PARD3: variants seen among roughly 807,000 people sequenced by gnomAD.
PARD3 encodes partitioning defective 3 homolog.
In PARD3, 75 loss-of-function variants were observed where a neutral mutation model predicts 155.4. The ratio of observed to expected loss-of-function variants is 0.48; its 90% CI spans 0.40 to 0.58. PARD3 has a LOEUF of 0.58. Ranked by LOEUF, PARD3 falls within the 20% of genes least tolerant of loss-of-function variation. The pLI is 0.00. For synonymous variants in PARD3, 576 were observed against 610.5 expected, an observed-to-expected ratio of 0.94 and a Z score of 0.83; for missense variants, 1,642 against 1,721.7, an observed-to-expected ratio of 0.95 and a Z score of 0.82.
rs984789813 is a variant in PARD3, at chr10:34,609,014, C to T, written c.222+87304G>A. Among the ~76,000 whole-genome samples, 11 of 152,278 alleles carry T rather than the reference C, an allele frequency of 7.2e-5. No individual in the cohort carries two copies. The East Asian group carries it at 2.1e-3, about 29-fold the overall frequency. ...CATCTTCAGATTTTCTCTCAACTGA[C>T]TAGATAACCCCTGTTAACAGATGCA... On this transcript the variant is annotated intron_variant, in intron 2 of 24. Transcript: ENST00000374788.
At chr10:34,358,962 G>C (rs936096262) in intron 14 of PARD3, among the ~76,000 whole-genome samples, 185 bp downstream of exon 14, 4 of 152,160 alleles carry the variant, frequency 2.6e-5, no homozygotes, top group African/African-American at 4.8e-5. Flanking sequence ...TTAGGAATAT[G>C]TTGATCACAA....
At chr10:34,426,515 A>T (rs1211174744) in intron 5 of PARD3, among the ~76,000 whole-genome samples, 1 of 152,250 alleles carries the variant, frequency 6.6e-6, no homozygotes, top group Non-Finnish European at 1.5e-5. Context: ...ATCCACTTCT[A>T]TAATTAAAAA....
intron 2 of PARD3, among the ~76,000 whole-genome samples, chr10:34,640,736 A>AAAAAAAAAAAG (rs2092651601): frequency 6.9e-6 from 1 of 144,066 alleles, no homozygotes; most frequent in African/African-American, 2.6e-5. Context: ...AAAAAAAAAA[A>AAAAAAAAAAAG]GCACTTTTAG....
intron 6 of PARD3, among the ~76,000 whole-genome samples, chr10:34,400,793 T>C (rs553106552): frequency 6.6e-6 from 1 of 151,806 alleles, no homozygotes; most frequent in Non-Finnish European, 1.5e-5. Context: ...AATTCTGCCA[T>C]ACTGCCAAAT....
At chr10:34,771,587 C>G (rs1564603406) in intron 1 of PARD3, among the ~76,000 whole-genome samples, 1 of 152,198 alleles carries the variant, frequency 6.6e-6, no homozygotes, top group Non-Finnish European at 1.5e-5. Flanking sequence ...TCGGTCAGCC[C>G]GACCTAGTCT....
At chr10:34,315,785 G>A (rs1564575934) in intron 20 of PARD3, among the ~76,000 whole-genome samples, 1 of 152,210 alleles carries the variant, frequency 6.6e-6, no homozygotes, top group Non-Finnish European at 1.5e-5. Flanking sequence ...AGGGGGCCCT[G>A]TGTAAACTAG....
At chr10:34,473,318 A>G (rs1047033360) in intron 3 of PARD3, among the ~76,000 whole-genome samples, 5 of 152,186 alleles carry the variant, frequency 3.3e-5, no homozygotes, top group Admixed American at 2.0e-4. Context: ...GTTTACATTT[A>G]TGTCCACTGT....
intron 5 of PARD3, among the ~76,000 whole-genome samples, chr10:34,448,570 C>CAGTA (rs1418777550): frequency 1.3e-5 from 2 of 152,092 alleles, no homozygotes; most frequent in African/African-American, 4.8e-5. Flanking sequence ...GAGGCCAAGA[C>CAGTA]AGTAGGATTG....
intron 22 of PARD3, among the ~76,000 whole-genome samples, chr10:34,238,908 T>C (rs1387019523): frequency 6.6e-6 from 1 of 152,258 alleles, no homozygotes; most frequent in Non-Finnish European, 1.5e-5. Context: ...GTTTTAAATA[T>C]ACATAACTTC....
At chr10:34,353,143 C>G (rs1838350466) in intron 14 of PARD3, among the ~76,000 whole-genome samples, 1 of 152,004 alleles carries the variant, frequency 6.6e-6, no homozygotes, top group East Asian at 1.9e-4. Context: ...GGGCAGCCCC[C>G]GCCCGGCCAG....
At chr10:34,633,788 C>T (rs2092368039) in intron 2 of PARD3, among the ~76,000 whole-genome samples, 1 of 152,158 alleles carries the variant, frequency 6.6e-6, no homozygotes, top group Admixed American at 6.5e-5. Flanking sequence ...AATTTACATT[C>T]CCACCAACAG....
intron 3 of PARD3, among the ~76,000 whole-genome samples, chr10:34,488,174 G>C (rs1232713534): frequency 1.3e-5 from 2 of 152,146 alleles, no homozygotes; most frequent in Non-Finnish European, 2.9e-5. Context: ...AGTGTATGTT[G>C]ACCATCAACA....
rs138637923 is a variant in PARD3 at position 34,344,641 on chromosome 10, G to A, written c.2219-2825C>T. The A allele has an allele frequency of 1.5e-5, 15 of 985,350 alleles. 1 individual carries two copies. The East Asian group carries it at 1.7e-3, about 112-fold the overall frequency. The allele number at this position is 985,350 out of a possible 1,614,324, so 61.0% of individuals were successfully genotyped here. On this transcript the variant is annotated intron_variant, in intron 15 of 24. Coordinates refer to ENST00000374788, the MANE Select transcript of PARD3 (RefSeq NM_001184785.2). ...GACCAACCATTAGAAAAATGTTTAA[G>A]GCTTTTCAAAGGAAGAATCCTATGT...
At chr10:34,620,676 A>C (rs1428204487) in intron 2 of PARD3, among the ~76,000 whole-genome samples, 2 of 152,200 alleles carry the variant, frequency 1.3e-5, no homozygotes, top group Non-Finnish European at 2.9e-5. Flanking sequence ...TAAATAGATA[A>C]AAAGCTCACC....
intron 6 of PARD3, among the ~76,000 whole-genome samples, chr10:34,400,177 G>C (rs1392956479): frequency 1.3e-5 from 2 of 152,208 alleles, no homozygotes; most frequent in Non-Finnish European, 2.9e-5. Context: ...GAGTCTTGCT[G>C]TGTTGCTCAG....
At chr10:34,539,040 ATTTATTTAC>A (rs1344313296) in intron 2 of PARD3, among the ~76,000 whole-genome samples, 1 of 152,198 alleles carries the variant, frequency 6.6e-6, no homozygotes, top group Non-Finnish European at 1.5e-5. Flanking sequence ...TATTTGTAGT[ATTTATTTAC>A]TTGGTGAATA....
chr10:34,751,154 T>C (rs1230729409), intron 1 of PARD3, among the ~76,000 whole-genome samples: 2 of 151,988 alleles, frequency 1.3e-5, no homozygotes, highest in Non-Finnish European at 2.9e-5. Flanking sequence ...ATTAAGTCCA[T>C]CCATTCAGCT....
chr10:34,200,614 G>T (rs888054295), intron 22 of PARD3, among the ~76,000 whole-genome samples: 8 of 152,144 alleles, frequency 5.3e-5, no homozygotes, highest in African/African-American at 1.4e-4. Flanking sequence ...CCCTGATAAG[G>T]CATCAACAGC....
At chr10:34,686,855 C>T (rs1033374012) in intron 2 of PARD3, among the ~76,000 whole-genome samples, 2 of 151,936 alleles carry the variant, frequency 1.3e-5, no homozygotes, top group Non-Finnish European at 2.9e-5. Context: ...TCGAGACCAG[C>T]TTGGCCAACA....
Sources: gnomAD v4.1 joint callset for allele counts (sites outside exome capture counted in the v4.1 genomes callset) on GRCh38, gnomAD v4.1.1 for gene constraint, MANE v1.5 for transcripts, NCBI Gene and HGNC (gene_info 2026-07-23, HGNC 2026-07-21) for gene names.